The following RBFOX1 variants were observed in gnomAD, a reference collection of about 807,000 sequenced individuals.
RBFOX1 encodes the protein RNA binding fox-1 homolog 1.
A neutral mutation model predicts 57.7 loss-of-function variants in RBFOX1; 8 were observed. That is an observed-to-expected ratio of 0.14 (90% CI 0.08 to 0.25). The LOEUF (loss-of-function observed/expected upper bound fraction) is 0.25. RBFOX1 is among the 10% of genes least tolerant of loss of function. RBFOX1 has a pLI of 1.00. For missense variants in RBFOX1, 611 were observed against 548.5 expected, an observed-to-expected ratio of 1.11 and a Z score of -1.14; for synonymous variants, 326 against 222.4, an observed-to-expected ratio of 1.47 and a Z score of -4.15.
At chr16:7,055,995 T>C (rs1026002088) in intron 4 of RBFOX1, among the ~76,000 whole-genome samples, 2 of 152,216 alleles carry the variant, frequency 1.3e-5, no homozygotes, top group African/African-American at 4.8e-5. Flanking sequence ...TCCTAACCTA[T>C]ATCCTAACTT....
intron 3 of RBFOX1, among the ~76,000 whole-genome samples, chr16:6,825,786 A>G (rs2092043774): frequency 6.6e-6 from 1 of 152,130 alleles, no homozygotes; most frequent in Non-Finnish European, 1.5e-5. Context: ...AGCTAATGAA[A>G]GGTAAGGGTG....
chr16:7,504,043 A>C (rs2071915452), intron 4 of RBFOX1, among the ~76,000 whole-genome samples: 1 of 152,178 alleles, frequency 6.6e-6, no homozygotes, highest in Non-Finnish European at 1.5e-5. Flanking sequence ...CTTTCTGTAT[A>C]ATTATATCTC....
chr16:6,193,704 T>G (rs567376054), intron 1 of RBFOX1, among the ~76,000 whole-genome samples: 1 of 152,154 alleles, frequency 6.6e-6, no homozygotes, highest in South Asian at 2.1e-4. Context: ...TCAGCCTGAT[T>G]TTTACCTTGA....
chr16:7,019,659 C>G (rs961839828), intron 3 of RBFOX1, among the ~76,000 whole-genome samples: 1 of 152,110 alleles, frequency 6.6e-6, no homozygotes. Flanking sequence ...TAGGCCATTA[C>G]TGGGAAAGGT....
At chr16:6,377,554 C>G (rs571077660) in intron 2 of RBFOX1, among the ~76,000 whole-genome samples, 1 of 152,226 alleles carries the variant, frequency 6.6e-6, no homozygotes, top group South Asian at 2.1e-4. Context: ...TGCGTAGAAT[C>G]AAGAACAACA....
chr16:5,760,438 A>T (rs2053554076), intron 3 of RBFOX1, among the ~76,000 whole-genome samples: 1 of 152,208 alleles, frequency 6.6e-6, no homozygotes, highest in African/African-American at 2.4e-5. Flanking sequence ...GTAAGTAGGT[A>T]TTCAATTACA....
intron 14 of RBFOX1, among the ~76,000 whole-genome samples, chr16:7,690,354 G>C (rs11860144): frequency 1.3e-5 from 2 of 152,080 alleles, no homozygotes; most frequent in Non-Finnish European, 2.9e-5. Context: ...GCTGAGGCCC[G>C]AGACCCAGTT....
At chr16:7,583,773 G>C (rs917060378) in intron 6 of RBFOX1, among the ~76,000 whole-genome samples, 1 of 151,848 alleles carries the variant, frequency 6.6e-6, no homozygotes, top group Admixed American at 6.6e-5. Context: ...TTGAGTTCAA[G>C]AATTTTAGAC....
At chr16:6,519,022 G>C (rs1396635509) in intron 2 of RBFOX1, among the ~76,000 whole-genome samples, 2 of 151,894 alleles carry the variant, frequency 1.3e-5, no homozygotes, top group African/African-American at 4.8e-5. Flanking sequence ...CAAGGACTGT[G>C]AGAAGATAAA....
Position 5,653,529 on chromosome 16 carries a change from G to A in RBFOX1, c.318+54568G>A, listed in dbSNP as rs182950502. 4.6e-3 allele frequency among the ~76,000 whole-genome samples: 690 copies of A among 151,078 alleles called. 4 individuals carry two copies. The highest frequency in any genetic ancestry group is 7.9e-3 in the Non-Finnish European group (532 of 67,674). On this transcript the variant is annotated intron_variant, in intron 3 of 19. Transcript: ENST00000641259. ...GTTGGGGTGCGGAGCCGTGTGCTGCGCCTTTGTGCAGAAGGTGGGGTGCTG... is the reference window on the plus strand; with the variant it reads ...GTTGGGGTGCGGAGCCGTGTGCTGCACCTTTGTGCAGAAGGTGGGGTGCTG...
intron 4 of RBFOX1, among the ~76,000 whole-genome samples, chr16:7,401,844 A>T (rs1400567906): frequency 6.6e-6 from 1 of 152,174 alleles, no homozygotes; most frequent in Non-Finnish European, 1.5e-5. Context: ...AGAGTTTCCA[A>T]ATTGCATAAA....
At chr16:5,255,017 C>T (rs996491183) in intron 1 of RBFOX1, among the ~76,000 whole-genome samples, 2 of 152,134 alleles carry the variant, frequency 1.3e-5, no homozygotes, top group Admixed American at 6.5e-5. Context: ...ATGGCAGTAA[C>T]GTGACACAGC....
chr16:7,335,597 AAAAAAAAAAAAAC>A (rs1385329615), intron 4 of RBFOX1, among the ~76,000 whole-genome samples: 1 of 64,476 alleles, frequency 1.6e-5, no homozygotes, highest in African/African-American at 1.7e-4. Context: ...AAAAAAAAAA[AAAAAAAAAAAAAC>A]CAAGTGATTT....
intron 2 of RBFOX1, among the ~76,000 whole-genome samples, chr16:6,522,714 G>A (rs1297482705): frequency 6.6e-6 from 1 of 152,090 alleles, no homozygotes; most frequent in Non-Finnish European, 1.5e-5. Context: ...CATAAGAAGG[G>A]ATATTTTGGT....
intron 4 of RBFOX1, among the ~76,000 whole-genome samples, chr16:5,997,117 G>A (rs1934147586): frequency 6.7e-6 from 1 of 149,692 alleles, no homozygotes; most frequent in African/African-American, 2.5e-5. Context: ...CTCCGTCTCT[G>A]CTGGTGCTCT....
Position 6,332,036 on chromosome 16 carries a change from C to T in RBFOX1, c.-64+14979C>T, listed in dbSNP as rs188967174. 9.9e-5 allele frequency among the ~76,000 whole-genome samples: 15 copies of T among 152,238 alleles called. No homozygotes were observed. In the East Asian group the frequency reaches 2.7e-3, roughly 27 times the overall value. ...ATGCCTGCAGGAGATAGGGCTGTCT[C>T]AGCGGTTTGTGTAACACCAATGGGG... On this transcript the variant is annotated intron_variant, in intron 2 of 15. Coordinates refer to ENST00000550418, the MANE Select transcript of RBFOX1 (RefSeq NM_018723.4).
intron 2 of RBFOX1, among the ~76,000 whole-genome samples, chr16:6,604,993 A>G (rs1010456352): frequency 2.6e-5 from 4 of 151,976 alleles, no homozygotes; most frequent in South Asian, 4.1e-4. Context: ...AAATAAAATT[A>G]TATATAAATA....
At chr16:6,324,754 G>C (rs1031326826) in intron 2 of RBFOX1, among the ~76,000 whole-genome samples, 1 of 152,052 alleles carries the variant, frequency 6.6e-6, no homozygotes, top group African/African-American at 2.4e-5. Flanking sequence ...CTTTAACTAG[G>C]GCCCCATCTA....
chr16:6,483,869 G>T, intron 2 of RBFOX1: 1 of 1,188,646 alleles, frequency 8.4e-7, no homozygotes, highest in Non-Finnish European at 1.1e-6. Flanking sequence ...ACCCAAACCG[G>T]AGATGGAAGG....
Sources: gnomAD v4.1 joint callset for allele counts (sites outside exome capture counted in the v4.1 genomes callset) on GRCh38, gnomAD v4.1.1 for gene constraint, MANE v1.5 for transcripts, NCBI Gene and HGNC (gene_info 2026-07-23, HGNC 2026-07-21) for gene names.